The following ADGRD1 variants were observed in gnomAD, a reference collection of about 807,000 sequenced individuals.
The protein encoded by ADGRD1 is adhesion G protein-coupled receptor D1, also known as G-protein coupled receptor 133.
A neutral mutation model predicts 113.4 loss-of-function variants in ADGRD1; 77 were observed. That is an observed-to-expected ratio of 0.68 (90% CI 0.57 to 0.82). The LOEUF (loss-of-function observed/expected upper bound fraction) is 0.82, where lower values mean the gene tolerates loss of function less well. Ranked by LOEUF, ADGRD1 falls within the 40% of genes least tolerant of loss-of-function variation. ADGRD1 has a pLI of 0.00. For synonymous variants in ADGRD1, 474 were observed against 475.0 expected, an observed-to-expected ratio of 1.00 and a Z score of 0.03; for missense variants, 1,036 against 1,139.1, an observed-to-expected ratio of 0.91 and a Z score of 1.30.
chr12:131,004,179 A>G lies in ADGRD1; in HGVS notation c.1145-7A>G. 2 of 1,589,086 alleles carry G rather than the reference A, an allele frequency of 1.3e-6. No homozygotes were observed. Among genetic ancestry groups the G allele is most frequent in the Non-Finnish European group, 8.6e-7 (1 of 1,157,746 alleles). On this transcript the variant is annotated splice_region_variant and splice_polypyrimidine_tract_variant and intron_variant, in intron 10 of 24. Coordinates refer to ENST00000261654, the MANE Select transcript of ADGRD1 (RefSeq NM_198827.5). Reference sequence around the variant, plus strand: ...GGACTTCCGCTCTCTCGCTCCTTCCACCGCAGAGTTTTCCGTGGCCAAAAT... The same window carrying G: ...GGACTTCCGCTCTCTCGCTCCTTCCGCCGCAGAGTTTTCCGTGGCCAAAAT...
At chr12:131,037,476 C>T (rs1292333190) in intron 13 of ADGRD1, among the ~76,000 whole-genome samples, 129 of 122,700 alleles carry the variant, frequency 1.1e-3, no homozygotes, top group East Asian at 4.6e-3. Flanking sequence ...CTGCACCGGG[C>T]CTCACTCACT....
intron 6 of ADGRD1, chr12:130,989,718 G>A (rs1479926380): frequency 1.3e-5 from 2 of 152,382 alleles, no homozygotes; most frequent in African/African-American, 4.8e-5. Context: ...CTGGGCAGAG[G>A]TGACACCTCC....
chr12:131,094,096 C>CACCCAGCCCTGAGCACCCAGCCTCGGT (rs1409261469), intron 15 of ADGRD1, among the ~76,000 whole-genome samples: 1 of 149,496 alleles, frequency 6.7e-6, no homozygotes, highest in Non-Finnish European at 1.5e-5. Context: ...CCAGTCTCAG[C>CACCCAGCCCTGAGCACCCAGCCTCGGT]ACCCAGCCCT....
At chr12:131,068,437 G>A (rs573444604) in intron 13 of ADGRD1, among the ~76,000 whole-genome samples, 24 of 152,306 alleles carry the variant, frequency 1.6e-4, no homozygotes, top group East Asian at 7.7e-4. Context: ...GAGGGAAGGC[G>A]TGGAGTGGGA....
chr12:131,017,526 GACAC>G (rs776161562), intron 13 of ADGRD1, among the ~76,000 whole-genome samples: 13 of 123,324 alleles, frequency 1.1e-4, no homozygotes, highest in Non-Finnish European at 1.3e-4. Flanking sequence ...ACCCAGCACA[GACAC>G]ACACACCCAG....
At chr12:131,119,197 A>G (rs1211022396) in intron 19 of ADGRD1, among the ~76,000 whole-genome samples, 1 of 152,242 alleles carries the variant, frequency 6.6e-6, no homozygotes, top group Non-Finnish European at 1.5e-5. Flanking sequence ...GTGCTTACAA[A>G]CAGAAAGGAA....
At chr12:131,047,454 C>T (rs539792177) in intron 13 of ADGRD1, among the ~76,000 whole-genome samples, 5 of 152,318 alleles carry the variant, frequency 3.3e-5, no homozygotes, top group African/African-American at 9.6e-5. Context: ...GCACCCCTTC[C>T]GCAGCCATCC....
Position 130,981,896 on chromosome 12 carries a change from CT to C in ADGRD1, c.329del (p.Phe110SerfsTer45). 1 of 1,611,190 alleles carries C rather than the reference CT, an allele frequency of 6.2e-7. No homozygotes were observed. Among genetic ancestry groups the C allele is most frequent in the Non-Finnish European group, 8.5e-7 (1 of 1,178,220 alleles). ...TGACTTTCCTCAGGGGTCACGTTTT[CT>C]TTTTTCTGGAAGACACAAGGAGAAC... ...EQCGPEGVTF[S>X]FFWKTQGEQS... On this transcript the variant is annotated frameshift_variant, in exon 5 of 25. Coordinates refer to ENST00000261654, the MANE Select transcript of ADGRD1 (RefSeq NM_198827.5). LOFTEE classifies it high-confidence loss of function.
chr12:130,984,289 C>T lies in ADGRD1; in HGVS notation c.490+2226C>T, dbSNP rs1708548412. On this transcript the variant is annotated intron_variant, in intron 5 of 24. Transcript: ENST00000261654. The surrounding 1 kb of genome is among the most constrained non-coding windows in gnomAD (Gnocchi z 4.1). ...GGCAGGCTCTTCATCTCTCATGTTA[C>T]TGATGGGGGAGGTGAGTAGGGGCCA... is the stretch of plus-strand genomic sequence containing the variant. Among the ~76,000 whole-genome samples the T allele has an allele frequency of 6.6e-6, 1 of 152,096 alleles. No homozygotes were observed. The highest frequency in any genetic ancestry group is 2.4e-5 in the African/African-American group (1 of 41,416).
Position 130,987,291 on chromosome 12 carries a change from C to T in ADGRD1, c.687C>T (p.Ile229=), listed in dbSNP as rs757399520. 4 of 1,614,228 alleles carry T rather than the reference C, an allele frequency of 2.5e-6. No homozygotes were observed. The highest frequency in any genetic ancestry group is 1.7e-5 in the Admixed American group (1 of 60,030). The change falls in exon 6 of 25, where the codon ATC becomes ATT. Residue 229 remains isoleucine (I), a synonymous_variant. Coordinates refer to ENST00000261654, the MANE Select transcript of ADGRD1 (RefSeq NM_198827.5). ...CYENGAFDEF[I]IWERALTPDE... The stretch of plus-strand genomic sequence containing the variant: ...AGAACGGTGCTTTCGATGAGTTCAT[C>T]ATCTGGGAGCGGGCTCTGACTCCGG...
At chr12:130,998,886 C>T (rs1046394728) in intron 8 of ADGRD1, among the ~76,000 whole-genome samples, 5 of 152,154 alleles carry the variant, frequency 3.3e-5, no homozygotes, top group East Asian at 3.8e-4. Flanking sequence ...ACGTGTGGCT[C>T]GTCCAACTAG....
At chr12:131,083,130 C>T (rs949199160) in intron 14 of ADGRD1, among the ~76,000 whole-genome samples, 4 of 152,162 alleles carry the variant, frequency 2.6e-5, no homozygotes, top group Non-Finnish European at 5.9e-5. Context: ...ATGCTGACAC[C>T]GCAGTTGAAA....
chr12:131,018,197 G>C (rs1207035467), intron 13 of ADGRD1, among the ~76,000 whole-genome samples: 1 of 152,138 alleles, frequency 6.6e-6, no homozygotes, highest in Non-Finnish European at 1.5e-5. Context: ...CGCCCAGGCA[G>C]CCCCCTCCTC....
At chr12:131,046,816 T>TCCTCCCTGGTGAGTGCTC (rs1882872811) in intron 13 of ADGRD1, among the ~76,000 whole-genome samples, 1 of 121,396 alleles carries the variant, frequency 8.2e-6, no homozygotes, top group South Asian at 3.1e-4. Flanking sequence ...CTGGGCAGTG[T>TCCTCCCTGGTGAGTGCTC]CCTCCCTGGT....
At chr12:130,994,162 C>A in intron 8 of ADGRD1, 1 of 379,782 alleles carries the variant, frequency 2.6e-6, no homozygotes, top group Non-Finnish European at 5.5e-6. Context: ...AAGGGAAGGA[C>A]CCGCGGGGTG....
intron 20 of ADGRD1, among the ~76,000 whole-genome samples, chr12:131,131,286 G>A (rs1950919565): frequency 6.6e-6 from 1 of 152,342 alleles, no homozygotes; most frequent in South Asian, 2.1e-4. Flanking sequence ...CTGGGCCGGG[G>A]CGGGAGATGA....
intron 15 of ADGRD1, among the ~76,000 whole-genome samples, chr12:131,094,349 A>G (rs770984169): frequency 3.1e-4 from 47 of 152,194 alleles, no homozygotes; most frequent in Non-Finnish European, 5.1e-4. Context: ...TGACCCGTTC[A>G]TGGCCACAAG....
chr12:130,961,177 A>C (rs1870310357), intron 2 of ADGRD1, among the ~76,000 whole-genome samples: 1 of 152,236 alleles, frequency 6.6e-6, no homozygotes, highest in Non-Finnish European at 1.5e-5. Flanking sequence ...AGTAACAGGG[A>C]AGGAAGAAGA....
At position 131,118,367 on chromosome 12, in the gene ADGRD1, T is replaced by G; in HGVS notation, c.2042-18T>G. On this transcript the variant is annotated intron_variant, in intron 18 of 24. Transcript: ENST00000261654. ...AAAACTGGAGCAAGTGAACATGATA[T>G]TCTCCAATCTTCTGCAGGTTTTCCT... 1 of 1,593,560 alleles carries G rather than the reference T, an allele frequency of 6.3e-7. No homozygotes were observed. Among genetic ancestry groups the G allele is most frequent in the South Asian group, 1.1e-5 (1 of 87,654 alleles).
Sources: gnomAD v4.1 joint callset for allele counts (sites outside exome capture counted in the v4.1 genomes callset) on GRCh38, gnomAD v4.1.1 for gene constraint, Gnocchi (gnomAD v3.1) non-coding constraint, MANE v1.5 for transcripts, NCBI Gene and HGNC (gene_info 2026-07-23, HGNC 2026-07-21) for gene names.